The following C4orf51 variants were observed in gnomAD, a reference collection of about 807,000 sequenced individuals.
The protein encoded by C4orf51 is uncharacterized protein C4orf51.
In C4orf51, 25 loss-of-function variants were observed where a neutral mutation model predicts 25.2. That is an observed-to-expected ratio of 0.99 (90% CI 0.72 to 1.39). C4orf51 has a LOEUF of 1.39. C4orf51 is among the 40% of genes most tolerant of loss of function. The pLI is 0.00. For synonymous variants in C4orf51, 100 were observed against 84.5 expected (o/e 1.18, Z -1.01); for missense variants, 252 against 239.6 (o/e 1.05, Z -0.34).
intron 1 of C4orf51, among the ~76,000 whole-genome samples, chr4:145,690,481 G>A (rs1729480669): frequency 6.6e-6 from 1 of 152,112 alleles, no homozygotes; most frequent in Admixed American, 6.5e-5. Flanking sequence ...TCCAGCCTGG[G>A]CGACAGAGTG....
At chr4:145,740,181 C>T (rs940272303) in intron 1 of C4orf51, among the ~76,000 whole-genome samples, 1 of 138,162 alleles carries the variant, frequency 7.2e-6, no homozygotes, top group Non-Finnish European at 1.5e-5. Flanking sequence ...AACTAGGGCT[C>T]TATCTGTATC....
At chr4:145,730,103 C>T (rs907927988) in intron 5 of C4orf51, 138 bp downstream of exon 5, 32 of 688,988 alleles carry the variant, frequency 4.6e-5, no homozygotes, top group Admixed American at 1.2e-4. Flanking sequence ...CCCTAAGTTA[C>T]AATCAGGCAA....
At chr4:145,789,647 A>AT in the C4orf51 span, among the ~76,000 whole-genome samples, 1 of 152,328 alleles carries the variant, frequency 6.6e-6, no homozygotes, top group East Asian at 1.9e-4. Flanking sequence ...CCAAACCCGA[A>AT]TCTGTCTGAC....
the C4orf51 span, among the ~76,000 whole-genome samples, chr4:145,777,932 G>C: frequency 0.035 from 5,282 of 152,030 alleles, 292 homozygotes; most frequent in African/African-American, 0.12. Flanking sequence ...CAATTAGGCA[G>C]GACATTTTAT....
intron 1 of C4orf51, among the ~76,000 whole-genome samples, chr4:145,694,468 C>T (rs1156266760): frequency 1.1e-4 from 11 of 103,160 alleles, no homozygotes; most frequent in African/African-American, 4.0e-4. Flanking sequence ...AGCCCCTCTG[C>T]CCGGCCAGCC....
intron 2 of C4orf51, among the ~76,000 whole-genome samples, chr4:145,713,297 T>G (rs934534915): frequency 6.6e-6 from 1 of 152,256 alleles, no homozygotes; most frequent in African/African-American, 2.4e-5. Flanking sequence ...TTAATGAATC[T>G]GAGCAAAGTA....
intron 2 of C4orf51, among the ~76,000 whole-genome samples, chr4:145,713,810 T>C (rs1038092310): frequency 6.6e-6 from 1 of 152,074 alleles, no homozygotes; most frequent in Non-Finnish European, 1.5e-5. Context: ...TGAGATGGAG[T>C]CTCACTCTGT....
downstream of C4orf51, chr4:145,757,962 T>C (rs866982007): frequency 6.6e-6 from 1 of 152,202 alleles, no homozygotes; most frequent in South Asian, 2.1e-4. Flanking sequence ...AGTTGGTAGG[T>C]GAATTTCTCA....
At chr4:145,764,469 C>T (rs1424867125) in intron 1 of C4orf51, among the ~76,000 whole-genome samples, 3 of 152,166 alleles carry the variant, frequency 2.0e-5, no homozygotes, top group Admixed American at 1.3e-4. Context: ...AAGAAGACAT[C>T]AGTATGTTTG....
At chr4:145,775,692 A>T, downstream of C4orf51, 1 of 1,442,662 alleles carries the variant, frequency 6.9e-7, no homozygotes. Flanking sequence ...TGACTGAGAA[A>T]AGGGGCCTCG....
At chr4:145,742,703 C>G (rs149999202) in intron 1 of C4orf51, among the ~76,000 whole-genome samples, 3,874 of 152,138 alleles carry the variant, frequency 0.025, 78 homozygotes, top group South Asian at 0.049. Context: ...CCACGCCCAG[C>G]TAATTTTTTT....
chr4:145,766,365 A>C (rs957691071), intron 1 of C4orf51, among the ~76,000 whole-genome samples: 2 of 152,234 alleles, frequency 1.3e-5, no homozygotes, highest in Non-Finnish European at 2.9e-5. Context: ...AACTGAAAAA[A>C]ATCAGACAAA....
the C4orf51 span, among the ~76,000 whole-genome samples, chr4:145,783,700 C>T: frequency 6.6e-6 from 1 of 152,336 alleles, no homozygotes; most frequent in African/African-American, 2.4e-5. Context: ...GTATTGACCC[C>T]TTCTCTTTTC....
intron 5 of C4orf51, among the ~76,000 whole-genome samples, chr4:145,730,268 T>A (rs984947218): frequency 6.6e-6 from 1 of 152,208 alleles, no homozygotes; most frequent in African/African-American, 2.4e-5. Context: ...ATCGGTGAGT[T>A]GTTGGGTTCT....
At chr4:145,760,736 TTGTC>T in intron 1 of C4orf51, 1 of 982,834 alleles carries the variant, frequency 1.0e-6, no homozygotes, top group Non-Finnish European at 1.2e-6. Context: ...TTTTTTTTTT[TTGTC>T]TTTTGTCTCT....
intron 1 of C4orf51, among the ~76,000 whole-genome samples, chr4:145,685,658 AG>A (rs1174881298): frequency 1.3e-5 from 2 of 152,248 alleles, no homozygotes; most frequent in African/African-American, 4.8e-5. Flanking sequence ...ATAACCGATT[AG>A]GTCAGTGGTC....
chr4:145,765,416 G>A lies in C4orf51; in HGVS notation n.167-5572G>A. The stretch of plus-strand genomic sequence containing the variant: ...AAGCCAAAAGAAATACAACCTTTAG[G>A]TGAGGCCCAGCATACTGCATCCTGG... On this transcript the variant is annotated intron_variant and non_coding_transcript_variant, in intron 1 of 1. Transcript: ENST00000510096. This position sits in a 1 kb window ranked among gnomAD's most constrained non-coding sequence, Gnocchi z 4.7. 8.6e-7 allele frequency: 1 copy of A among 1,161,950 alleles called. No homozygotes were observed. Among genetic ancestry groups the A allele is most frequent in the Non-Finnish European group, 1.2e-6 (1 of 839,020 alleles). The allele number at this position is 1,161,950 out of a possible 1,614,324, so 72.0% of individuals were successfully genotyped here.
chr4:145,697,252 A>G (rs1488850091), intron 2 of C4orf51, among the ~76,000 whole-genome samples: 12 of 151,940 alleles, frequency 7.9e-5, no homozygotes, highest in Non-Finnish European at 1.5e-4. Flanking sequence ...GGCACCTGCC[A>G]CCATGCCCAA....
chr4:145,684,891 CAA>C (rs1398396602), intron 1 of C4orf51, among the ~76,000 whole-genome samples: 1 of 151,778 alleles, frequency 6.6e-6, no homozygotes. Context: ...TTCTAACAAC[CAA>C]ATAGGAGGAT....
Sources: gnomAD v4.1 joint callset for allele counts (sites outside exome capture counted in the v4.1 genomes callset) on GRCh38, gnomAD v4.1.1 for gene constraint, Gnocchi (gnomAD v3.1) non-coding constraint, MANE v1.5 for transcripts, NCBI Gene and HGNC (gene_info 2026-07-23, HGNC 2026-07-21) for gene names.